C8orf89: variants seen among roughly 807,000 people sequenced by gnomAD.
C8orf89 encodes chromosome 8 open reading frame 89.
Under a neutral mutation model 15.8 loss-of-function variants are expected in C8orf89, and 14 were observed. That is an observed-to-expected ratio of 0.89 (90% CI 0.59 to 1.39). The LOEUF (loss-of-function observed/expected upper bound fraction) is 1.39, where lower values mean the gene tolerates loss of function less well. Ranked by LOEUF, C8orf89 falls within the 40% of genes most tolerant of loss-of-function variation. The probability of loss-of-function intolerance (pLI) is 0.00; values close to 1 mark genes in which losing one functional copy is unlikely to be tolerated. For missense variants in C8orf89, 181 were observed against 184.5 expected (o/e 0.98, Z 0.11); for synonymous variants, 55 against 62.2 (o/e 0.88, Z 0.54).
At chr8:73,274,736 G>T in the C8orf89 span, among the ~76,000 whole-genome samples, 1 of 152,096 alleles carries the variant, frequency 6.6e-6, no homozygotes, top group Non-Finnish European at 1.5e-5. Flanking sequence ...CTGCACGTAG[G>T]TATAGGAGAA....
upstream of C8orf89, among the ~76,000 whole-genome samples, chr8:73,264,261 G>T (rs1303204178): frequency 2.0e-5 from 3 of 152,208 alleles, no homozygotes; most frequent in Non-Finnish European, 4.4e-5. Context: ...GCATTGACTT[G>T]TTCGACCTCA....
At chr8:73,253,416 C>T (rs1225848216) in intron 2 of C8orf89, among the ~76,000 whole-genome samples, 2 of 152,014 alleles carry the variant, frequency 1.3e-5, no homozygotes, top group African/African-American at 2.4e-5. Flanking sequence ...CTTGGCGATG[C>T]GGGCTCTTTT....
the C8orf89 span, among the ~76,000 whole-genome samples, chr8:73,285,095 G>T: frequency 6.6e-6 from 1 of 152,200 alleles, no homozygotes; most frequent in Non-Finnish European, 1.5e-5. Context: ...GCAACAGAAA[G>T]AGGGTTTTAA....
chr8:73,285,493 G>T, the C8orf89 span, among the ~76,000 whole-genome samples: 1 of 152,202 alleles, frequency 6.6e-6, no homozygotes, highest in Non-Finnish European at 1.5e-5. Context: ...TCGTGGGAGG[G>T]AGTGGGACTA....
At chr8:73,260,901 G>T (rs922893010), upstream of C8orf89, among the ~76,000 whole-genome samples, 1 of 152,216 alleles carries the variant, frequency 6.6e-6, no homozygotes, top group African/African-American at 2.4e-5. Flanking sequence ...GATCTAATCA[G>T]CTGCCAGTGT....
At chr8:73,253,219 G>C (rs891558639) in intron 2 of C8orf89, among the ~76,000 whole-genome samples, 6 of 152,224 alleles carry the variant, frequency 3.9e-5, no homozygotes, top group Admixed American at 6.5e-5. Context: ...AAGCTGAGTA[G>C]AATGTGAGAC....
the C8orf89 span, chr8:73,277,658 T>G: frequency 1.3e-6 from 1 of 757,426 alleles, no homozygotes; most frequent in Non-Finnish European, 2.5e-6. Context: ...AAGGTTTCTC[T>G]TTTAAAATAA....
chr8:73,260,588 G>T (rs1231272032), upstream of C8orf89, among the ~76,000 whole-genome samples: 1 of 152,160 alleles, frequency 6.6e-6, no homozygotes, highest in East Asian at 1.9e-4. Context: ...GTGCTATGAT[G>T]GGGGGCAAAA....
rs989497809 is a variant in C8orf89, at chr8:73,252,934, G to C, written c.282-2611C>G. On this transcript the variant is annotated intron_variant, in intron 2 of 3. Transcript: ENST00000624510. ...AGGTGGGTGGATCACGAGGTCAGAA[G>C]ATCGACACCATCCTGGCTAACAGGG... Among the ~76,000 whole-genome samples, 7 of 152,160 alleles carry C rather than the reference G, an allele frequency of 4.6e-5. No individual in the cohort carries two copies. The South Asian group carries it at 6.2e-4, about 14-fold the overall frequency.
At chr8:73,266,844 GA>G in the C8orf89 span, among the ~76,000 whole-genome samples, 1 of 145,610 alleles carries the variant, frequency 6.9e-6, no homozygotes, top group African/African-American at 2.5e-5. Context: ...CCTGAAAAAA[GA>G]AAAAAAAAAC....
At chr8:73,250,368 G>A (rs1359279660) in intron 2 of C8orf89, 45 bp from the exon 3 acceptor site, 9 of 1,152,236 alleles carry the variant, frequency 7.8e-6, no homozygotes, top group Non-Finnish European at 1.1e-5. Flanking sequence ...TATAAATTCA[G>A]GGCACAATGA....
chr8:73,249,898 C>T (rs1813210610), intron 3 of C8orf89, among the ~76,000 whole-genome samples: 1 of 152,144 alleles, frequency 6.6e-6, no homozygotes, highest in African/African-American at 2.4e-5. Flanking sequence ...AGTTTATACT[C>T]AGTCTGTGGG....
At chr8:73,257,249 T>C (rs1220138429) in intron 1 of C8orf89, 123 bp from the exon 2 acceptor site, 3 of 611,900 alleles carry the variant, frequency 4.9e-6, no homozygotes, top group Non-Finnish European at 8.1e-6. Context: ...GCAACTGTAA[T>C]TTAGCATCTT....
At chr8:73,255,403 T>G (rs1274042778) in intron 2 of C8orf89, among the ~76,000 whole-genome samples, 13 of 150,730 alleles carry the variant, frequency 8.6e-5, no homozygotes, top group African/African-American at 3.2e-4. Flanking sequence ...GAAATGCAAA[T>G]CAAAACCACA....
rs1263244940 is a variant in C8orf89 at position 73,247,842 on chromosome 8, C to T, written c.337+2426G>A. On this transcript the variant is annotated intron_variant, in intron 3 of 3. Coordinates refer to ENST00000624510, the MANE Select transcript of C8orf89 (RefSeq NM_001243237.3). ...TTCCTTATAGATGCTGGATATTAGACCTTTGTCAGATGCAGAGTTTGCAAA... is the reference window on the plus strand; with the variant it reads ...TTCCTTATAGATGCTGGATATTAGATCTTTGTCAGATGCAGAGTTTGCAAA... 2.0e-5 allele frequency among the ~76,000 whole-genome samples: 3 copies of T among 152,024 alleles called. No homozygotes were observed. In the East Asian group the frequency reaches 5.8e-4, roughly 29 times the overall value.
At chr8:73,284,123 G>A in the C8orf89 span, among the ~76,000 whole-genome samples, 5 of 151,400 alleles carry the variant, frequency 3.3e-5, no homozygotes, top group African/African-American at 1.2e-4. Context: ...TCTCAATGAG[G>A]AATGGTCACA....
intron 3 of C8orf89, among the ~76,000 whole-genome samples, chr8:73,249,751 C>A (rs1455350730): frequency 6.6e-6 from 1 of 151,864 alleles, no homozygotes; most frequent in African/African-American, 2.4e-5. Context: ...TTTTTTGGGA[C>A]CAAAACTATT....
chr8:73,249,394 A>C (rs757377011), intron 3 of C8orf89, among the ~76,000 whole-genome samples: 1 of 152,068 alleles, frequency 6.6e-6, no homozygotes, highest in African/African-American at 2.4e-5. Flanking sequence ...TTTTTGTTGT[A>C]TCTCTGCATA....
At chr8:73,248,779 C>CACGTTGAT in intron 3 of C8orf89, among the ~76,000 whole-genome samples, 1 of 152,220 alleles carries the variant, frequency 6.6e-6, no homozygotes, top group Admixed American at 6.5e-5. Flanking sequence ...TCAATTTTTG[C>CACGTTGAT]ACGTTGATTT....
Sources: allele counts gnomAD v4.1 joint callset (sites outside exome capture counted in the v4.1 genomes callset), GRCh38; gene constraint gnomAD v4.1.1; transcripts MANE v1.5; gene names NCBI Gene and HGNC (gene_info 2026-07-23, HGNC 2026-07-21).